The following TERT variants were observed in gnomAD, a reference collection of about 807,000 sequenced individuals.
TERT encodes the protein telomerase catalytic subunit.
Under a neutral mutation model 104.0 loss-of-function variants are expected in TERT, and 42 were observed. The observed-to-expected ratio is 0.40, with a 90% confidence interval of 0.32 to 0.52. The LOEUF is 0.52. TERT is among the 20% of genes least tolerant of loss of function. The pLI is 0.43. For synonymous variants in TERT, 781 were observed against 725.6 expected (o/e 1.08, Z -1.23); for missense variants, 1,101 against 1,610.3 (o/e 0.68, Z 5.41).
At position 1,292,315 on chromosome 5, in the gene TERT, A is replaced by C. The variant is rs1209161739; in HGVS notation, c.1573+998T>G. Among the ~76,000 whole-genome samples, 1 of 151,994 alleles carries C rather than the reference A, an allele frequency of 6.6e-6. No individual in the cohort carries two copies. Among genetic ancestry groups the C allele is most frequent in the Non-Finnish European group, 1.5e-5 (1 of 67,996 alleles). On this transcript the variant is annotated intron_variant, in intron 2 of 15. Coordinates refer to ENST00000310581, the MANE Select transcript of TERT (RefSeq NM_198253.3). The surrounding 1 kb of genome is among the most constrained non-coding windows in gnomAD (Gnocchi z 5.5). ...AGGTTCCTCAACATCAAATCCAGAA[A>C]AACAGGGTGGGGACACGGCAGGGCC...
Position 1,270,148 on chromosome 5 carries a change from T to C in TERT, c.2468+971A>G, listed in dbSNP as rs1325333333. ...GGCCAAAATTCACTCTGCTGCCATG[T>C]GCAATTTGTGTTTTTCCAGAACGTG... On this transcript the variant is annotated intron_variant, in intron 8 of 15. Coordinates refer to ENST00000310581, the MANE Select transcript of TERT (RefSeq NM_198253.3). This position sits in a 1 kb window ranked among gnomAD's most constrained non-coding sequence, Gnocchi z 8.3. 1.3e-5 allele frequency among the ~76,000 whole-genome samples: 2 copies of C among 152,244 alleles called. No individual in the cohort carries two copies. Among genetic ancestry groups the C allele is most frequent in the Admixed American group, 1.3e-4 (2 of 15,288 alleles).
intron 7 of TERT, among the ~76,000 whole-genome samples, 197 bp downstream of exon 7, chr5:1,271,988 A>G (rs894928133): frequency 8.5e-5 from 13 of 152,256 alleles, no homozygotes; most frequent in African/African-American, 3.1e-4. Context: ...AGGTGCCTGA[A>G]TGCAGCAGCT....
intron 6 of TERT, among the ~76,000 whole-genome samples, chr5:1,276,417 C>T (rs1465399713): frequency 1.4e-5 from 2 of 147,988 alleles, no homozygotes; most frequent in Non-Finnish European, 3.0e-5. Context: ...CCACAGATCC[C>T]CACCTACCCC....
chr5:1,254,644 CGACA>C (rs1747587650), intron 14 of TERT, 139 bp from the exon 15 acceptor site: 1 of 937,020 alleles, frequency 1.1e-6, no homozygotes, highest in Non-Finnish European at 1.6e-6. Flanking sequence ...GCAGGAGTCA[CGACA>C]GAAATGTTTT....
Position 1,272,246 on chromosome 5 carries a change from C to T in TERT, c.2321G>A (p.Arg774Gln), listed in dbSNP as rs1579564912. The change falls in exon 7 of 16, where the codon CGA becomes CAA. Residue 774 changes from arginine (R) to glutamine (Q), a missense_variant. Physicochemically the swap from Arg to Gln is conservative, Grantham distance 43. This residue lies in a region of TERT where 463 missense variants were observed against 797.5 expected (regional missense o/e 0.58). Transcript: ENST00000310581. ...STLTDLQPYM[R>Q]QFVAHLQETS... ...CTCCTGCAGGTGAGCCACGAACTGTCGCATGTACGGCTGGAGGTCTGTCAA... is the reference window on the plus strand; with the variant it reads ...CTCCTGCAGGTGAGCCACGAACTGTTGCATGTACGGCTGGAGGTCTGTCAA... The T allele has an allele frequency of 4.3e-6, 7 of 1,612,676 alleles. No homozygotes were observed. The highest frequency in any genetic ancestry group is 5.9e-6 in the Non-Finnish European group (7 of 1,179,850).
At position 1,292,214 on chromosome 5, in the gene TERT, G is replaced by T. The variant is rs1751038186; in HGVS notation, c.1573+1099C>A. ...ACATGTCTTGGGAGTTTGTGGGGAG[G>T]GGGTGAAATCGGGACTTCTTCTAGC... On this transcript the variant is annotated intron_variant, in intron 2 of 15. Transcript: ENST00000310581. This position sits in a 1 kb window ranked among gnomAD's most constrained non-coding sequence, Gnocchi z 5.5. Among the ~76,000 whole-genome samples, 1 of 152,150 alleles carries T rather than the reference G, an allele frequency of 6.6e-6. No homozygotes were observed. Among genetic ancestry groups the T allele is most frequent in the African/African-American group, 2.4e-5 (1 of 41,430 alleles).
rs1365594223 is a variant in TERT at position 1,274,224 on chromosome 5, A to G, written c.2287-1944T>C. Among the ~76,000 whole-genome samples, 1 of 152,212 alleles carries G rather than the reference A, an allele frequency of 6.6e-6. No individual in the cohort carries two copies. Among genetic ancestry groups the G allele is most frequent in the Non-Finnish European group, 1.5e-5 (1 of 68,042 alleles). On this transcript the variant is annotated intron_variant, in intron 6 of 15. Transcript: ENST00000310581. The surrounding 1 kb of genome is among the most constrained non-coding windows in gnomAD (Gnocchi z 5.3). ...CCACATCGAGTACGATTCAACCCTGAGAACCAACCTGGAAGGCAGTAACAG... is the reference window on the plus strand; with the variant it reads ...CCACATCGAGTACGATTCAACCCTGGGAACCAACCTGGAAGGCAGTAACAG...
chr5:1,294,347 G>A lies in TERT; in HGVS notation c.539C>T (p.Ala180Val). Residue 180 changes from alanine to valine, a missense_variant, in exon 2 of 16, where the codon GCT becomes GTT. Coordinates refer to ENST00000310581, the MANE Select transcript of TERT (RefSeq NM_198253.3). Reference protein sequence around the residue: ...VCGPPLYQLGAATQARPPPHA... With the variant: ...VCGPPLYQLGVATQARPPPHA... ...TGGCGGGGGCCGGGCCTGAGTGGCA[G>A]CGCCGAGCTGGTACAGCGGCGGCCC... The A allele has an allele frequency of 6.3e-7, 1 of 1,577,432 alleles. No individual in the cohort carries two copies. The highest frequency in any genetic ancestry group is 8.6e-7 in the Non-Finnish European group (1 of 1,169,180).
At chr5:1,280,437 C>G in intron 3 of TERT, 99 bp from the exon 4 acceptor site, 1 of 1,323,984 alleles carries the variant, frequency 7.6e-7, no homozygotes, top group South Asian at 1.2e-5. Flanking sequence ...AGTGAGGGCT[C>G]AGGGCACCCA....
chr5:1,271,379 A>G (rs893894716), intron 7 of TERT, among the ~76,000 whole-genome samples, 175 bp from the exon 8 acceptor site: 5 of 152,240 alleles, frequency 3.3e-5, no homozygotes, highest in African/African-American at 1.2e-4. Context: ...GCAGACACAC[A>G]TGGGCTTAGG....
Position 1,294,511 on chromosome 5 carries a change from G to A in TERT, c.375C>T (p.Asn125=), listed in dbSNP as rs1751256209. 6.3e-7 allele frequency: 1 copy of A among 1,582,086 alleles called. No individual in the cohort carries two copies. The stretch of plus-strand genomic sequence containing the variant: ...TCCCCCGCAGTGCGTCGGTCACCGT[G>A]TTGGGCAGGTAGCTGCGCACGCTGG... ...FTTSVRSYLP[N]TVTDALRGSG... is the part of the protein sequence containing the mutation. The change falls in exon 2 of 16, where the codon AAC becomes AAT. Residue 125 remains asparagine, a synonymous_variant. Transcript: ENST00000310581.
At chr5:1,276,969 A>T (rs1283381795) in intron 6 of TERT, among the ~76,000 whole-genome samples, 1 of 152,254 alleles carries the variant, frequency 6.6e-6, no homozygotes, top group East Asian at 1.9e-4. Context: ...CACGCATGTG[A>T]TGCCACACTT....
At chr5:1,266,027 G>A (rs577014580) in intron 10 of TERT, among the ~76,000 whole-genome samples, 102 of 152,290 alleles carry the variant, frequency 6.7e-4, no homozygotes, top group Non-Finnish European at 1.1e-3. Flanking sequence ...TGACCGCAGC[G>A]AACGCTGTGG....
intron 2 of TERT, among the ~76,000 whole-genome samples, chr5:1,291,149 C>G: frequency 7.1e-6 from 1 of 141,072 alleles, no homozygotes; most frequent in Admixed American, 6.9e-5. Flanking sequence ...GACAGTGCCT[C>G]ACTCACCCTA....
Position 1,294,896 on chromosome 5 carries a change from C to A in TERT, c.94G>T (p.Gly32Trp), listed in dbSNP as rs2126692230. Residue 32 changes from glycine to tryptophan, a missense_variant, in exon 1 of 16, where the codon GGG (glycine) becomes TGG (tryptophan). This residue lies in a region of TERT where 87 missense variants were observed against 145.4 expected (regional missense o/e 0.60). Coordinates refer to ENST00000310581, the MANE Select transcript of TERT (RefSeq NM_198253.3). ...LPLATFVRRL[G>W]PQGWRLVQRG... ...TGCACCAGCCGCCAGCCCTGGGGCCCCAGGCGCCGCACGAACGTGGCCAGC... is the reference window on the plus strand; with the variant it reads ...TGCACCAGCCGCCAGCCCTGGGGCCACAGGCGCCGCACGAACGTGGCCAGC... 7.0e-7 allele frequency: 1 copy of A among 1,434,848 alleles called. No homozygotes were observed. Among genetic ancestry groups the A allele is most frequent in the Non-Finnish European group, 9.1e-7 (1 of 1,099,116 alleles). The allele number at this position is 1,434,848 out of a possible 1,614,324, so 88.9% of individuals were successfully genotyped here.
Position 1,286,536 on chromosome 5 carries a change from G to C in TERT, c.1574-3912C>G, listed in dbSNP as rs1029969533. On this transcript the variant is annotated intron_variant, in intron 2 of 15. Coordinates refer to ENST00000310581, the MANE Select transcript of TERT (RefSeq NM_198253.3). The surrounding 1 kb of genome is among the most constrained non-coding windows in gnomAD (Gnocchi z 5.3). The stretch of plus-strand genomic sequence containing the variant: ...TGGCCAGAGCTAAAATACACTAAGG[G>C]TCTTATTGCTCAGGACAAGGGTAGC... Among the ~76,000 whole-genome samples, 6 of 152,134 alleles carry C rather than the reference G, an allele frequency of 3.9e-5. No homozygotes were observed. Among genetic ancestry groups the C allele is most frequent in the South Asian group, 2.1e-4 (1 of 4,822 alleles).
In TERT at chr5:1,255,174, T is replaced by G; in HGVS notation, c.3157+113A>C. 7.0e-7 allele frequency: 1 copy of G among 1,429,890 alleles called. No individual in the cohort carries two copies. Among genetic ancestry groups the G allele is most frequent in the Non-Finnish European group, 9.6e-7 (1 of 1,042,248 alleles). The allele number at this position is 1,429,890 out of a possible 1,614,324, so 88.6% of individuals were successfully genotyped here. The stretch of plus-strand genomic sequence containing the variant: ...CTGACAGTGGTTGGGTTAAACCACT[T>G]CCTGATGCGAAAAGGGGTAAGAACT... On this transcript the variant is annotated intron_variant, in intron 14 of 15. Transcript: ENST00000310581. This position sits in a 1 kb window ranked among gnomAD's most constrained non-coding sequence, Gnocchi z 6.9.
Position 1,262,637 on chromosome 5 carries a change from T to G in TERT, c.2843+1767A>C, listed in dbSNP as rs1443298374. Among the ~76,000 whole-genome samples, 1 of 152,176 alleles carries G rather than the reference T, an allele frequency of 6.6e-6. No individual in the cohort carries two copies. The highest frequency in any genetic ancestry group is 1.5e-5 in the Non-Finnish European group (1 of 68,040). ...AGTGGCCTTTGGGAGCACAGAATAT[T>G]CTGGCATTGGACCCACATCTGATGA... is the stretch of plus-strand genomic sequence containing the variant. On this transcript the variant is annotated intron_variant, in intron 11 of 15. Coordinates refer to ENST00000310581, the MANE Select transcript of TERT (RefSeq NM_198253.3). The surrounding 1 kb of genome is among the most constrained non-coding windows in gnomAD (Gnocchi z 5.6).
chr5:1,257,401 C>A lies in TERT; in HGVS notation c.3032+1197G>T, dbSNP rs920412563. Among the ~76,000 whole-genome samples the A allele has an allele frequency of 9.9e-5, 15 of 152,160 alleles. No homozygotes were observed. The highest frequency in any genetic ancestry group is 3.1e-4 in the African/African-American group (13 of 41,452). ...CTGGGGTCAACCACAGTGTCAGACA[C>A]CTCCAGTCCTCAGTGGCACCTGTAT... On this transcript the variant is annotated intron_variant, in intron 13 of 15. Transcript: ENST00000310581. This position sits in a 1 kb window ranked among gnomAD's most constrained non-coding sequence, Gnocchi z 5.6.
Sources: allele counts gnomAD v4.1 joint callset (sites outside exome capture counted in the v4.1 genomes callset), GRCh38; gene constraint gnomAD v4.1.1; regional missense constraint gnomAD v4.1.1; non-coding constraint Gnocchi (gnomAD v3.1); transcripts MANE v1.5; gene names NCBI Gene and HGNC (gene_info 2026-07-23, HGNC 2026-07-21).